ANK2: variants seen among roughly 807,000 people sequenced by gnomAD.
ANK2 encodes the protein ankyrin 2, also known as ankyrin-2.
In ANK2, 83 loss-of-function variants were observed where a neutral mutation model predicts 360.5. That is an observed-to-expected ratio of 0.23 (90% CI 0.19 to 0.28). The LOEUF (loss-of-function observed/expected upper bound fraction) is 0.28. Ranked by LOEUF, ANK2 falls within the 10% of genes least tolerant of loss-of-function variation. The pLI is 1.00. For synonymous variants in ANK2, 1,740 were observed against 1,759.5 expected, an observed-to-expected ratio of 0.99 and a Z score of 0.28; for missense variants, 4,201 against 4,795.7, an observed-to-expected ratio of 0.88 and a Z score of 3.66.
intron 4 of ANK2, among the ~76,000 whole-genome samples, chr4:113,228,439 A>C (rs1247861190): frequency 3.9e-5 from 6 of 152,142 alleles, no homozygotes; most frequent in African/African-American, 1.4e-4. Context: ...TACGATGTTT[A>C]GTTTTCCATT....
chr4:112,776,886 C>T, the ANK2 span, among the ~76,000 whole-genome samples: 4 of 152,160 alleles, frequency 2.6e-5, no homozygotes, highest in African/African-American at 7.2e-5. Context: ...GAATGGCTTT[C>T]GGTTGAGAGT....
At chr4:113,265,035 C>A (rs1316060938) in intron 14 of ANK2, 40 bp downstream of exon 14, 25 of 1,528,446 alleles carry the variant, frequency 1.6e-5, no homozygotes, top group Non-Finnish European at 2.2e-5. Flanking sequence ...TATCGCAGCG[C>A]ATGAGTTTCA....
intron 2 of ANK2, among the ~76,000 whole-genome samples, chr4:113,175,836 C>T (rs2098174901): frequency 6.6e-6 from 1 of 152,096 alleles, no homozygotes; most frequent in Admixed American, 6.6e-5. Flanking sequence ...TCACTGATGT[C>T]AATATTTCTC....
Position 113,336,594 on chromosome 4 carries a change from T to C in ANK2, c.3609T>C (p.Ser1203=), listed in dbSNP as rs1217598734. Reference sequence around the variant, plus strand: ...TTGAAAAGGCTCAACCTATGCACAGTGAGCTGGTTAAGAAGATCCTAGGCA... The same window carrying C: ...TTGAAAAGGCTCAACCTATGCACAGCGAGCTGGTTAAGAAGATCCTAGGCA... ...RVGLQAQPMH[S]ELVKKILGNK... is the part of the protein sequence containing the mutation. The change falls in exon 31 of 46, where the codon AGT becomes AGC. Residue 1203 remains serine (S), a synonymous_variant. Coordinates refer to ENST00000357077, the MANE Select transcript of ANK2 (RefSeq NM_001148.6). The C allele has an allele frequency of 1.2e-6, 2 of 1,613,466 alleles. No homozygotes were observed. Among genetic ancestry groups the C allele is most frequent in the Non-Finnish European group, 1.7e-6 (2 of 1,179,396 alleles).
chr4:113,355,884 C>T lies in ANK2; in HGVS notation c.7266C>T (p.Ser2422=), dbSNP rs150349588. 234 of 1,614,066 alleles carry T rather than the reference C, an allele frequency of 1.4e-4. No homozygotes were observed. The highest frequency in any genetic ancestry group is 2.1e-4 in the African/African-American group (16 of 75,038). ...CTAGCCGAGATAGCGAAGTCCTCAG[C>T]GCTGTGGCTGATGACTCATTAGCAG... ...ALPSRDSEVL[S]AVADDSLAVS... is the part of the protein sequence containing the mutation. The change falls in exon 38 of 46, where the codon AGC becomes AGT. Residue 2422 remains serine (S), a synonymous_variant. Coordinates refer to ENST00000357077, the MANE Select transcript of ANK2 (RefSeq NM_001148.6).
At chr4:112,876,088 A>G (rs898791966) in intron 1 of ANK2, among the ~76,000 whole-genome samples, 1 of 151,874 alleles carries the variant, frequency 6.6e-6, no homozygotes, top group Non-Finnish European at 1.5e-5. Flanking sequence ...AGAACATTCA[A>G]TGTCTTACCA....
intron 2 of ANK2, among the ~76,000 whole-genome samples, chr4:112,907,541 C>T (rs1465773737): frequency 6.6e-6 from 1 of 152,144 alleles, no homozygotes; most frequent in Non-Finnish European, 1.5e-5. Flanking sequence ...GAGACATCCT[C>T]ATTGAATCTG....
At chr4:112,802,083 G>C in the ANK2 span, among the ~76,000 whole-genome samples, 2 of 152,060 alleles carry the variant, frequency 1.3e-5, no homozygotes, top group African/African-American at 4.8e-5. Context: ...CCTGGTTTCC[G>C]GTTTGGCTAC....
In ANK2 at chr4:113,240,563, G is replaced by T; in HGVS notation, c.772G>T (p.Ala258Ser). Residue 258 changes from alanine (A) to serine (S), a missense_variant, in exon 8 of 46, where the codon GCT becomes TCT. Ala to Ser is a moderately conservative substitution (Grantham distance 99). Coordinates refer to ENST00000357077, the MANE Select transcript of ANK2 (RefSeq NM_001148.6). ...AACTCTTCTTCTAAACCGGGGAGCTGCTGTGGACTTCACAGCCAGGGTATG... is the reference window on the plus strand; with the variant it reads ...AACTCTTCTTCTAAACCGGGGAGCTTCTGTGGACTTCACAGCCAGGGTATG... ...VATLLLNRGA[A>S]VDFTARNGIT... The T allele has an allele frequency of 6.2e-7, 1 of 1,613,638 alleles. No individual in the cohort carries two copies. Among genetic ancestry groups the T allele is most frequent in the South Asian group, 1.1e-5 (1 of 91,070 alleles).
At chr4:112,726,899 A>G in the ANK2 span, among the ~76,000 whole-genome samples, 3 of 151,974 alleles carry the variant, frequency 2.0e-5, no homozygotes, top group East Asian at 5.8e-4. Flanking sequence ...AGTAAGTTTA[A>G]AAGGTATGGA....
rs58840976 is a variant in ANK2 at position 113,019,555 on chromosome 4, A to G, written c.21+115041A>G. Among the ~76,000 whole-genome samples the G allele has an allele frequency of 5.7e-3, 876 of 152,348 alleles. 10 individuals carry two copies. Among genetic ancestry groups the G allele is most frequent in the African/African-American group, 0.02 (822 of 41,592 alleles). Reference sequence around the variant, plus strand: ...ATTAGTTTTTAGATATTTTTGAAAGAATGGATTCAATCTTTTAAAAATTAA... The same window carrying G: ...ATTAGTTTTTAGATATTTTTGAAAGGATGGATTCAATCTTTTAAAAATTAA... On this transcript the variant is annotated intron_variant, in intron 2 of 30. Transcript: ENST00000503271.
At chr4:113,242,049 A>G in intron 8 of ANK2, 62 bp from the exon 9 acceptor site, 1 of 1,343,052 alleles carries the variant, frequency 7.4e-7, no homozygotes, top group Non-Finnish European at 1.1e-6. Context: ...CTTTAACACA[A>G]AGGCATCGCC....
At chr4:113,108,043 G>C (rs1279141732) in intron 1 of ANK2, among the ~76,000 whole-genome samples, 1 of 152,162 alleles carries the variant, frequency 6.6e-6, no homozygotes, top group Non-Finnish European at 1.5e-5. Context: ...ACGTAAGTTG[G>C]ACATTCGTTT....
intron 26 of ANK2, among the ~76,000 whole-genome samples, chr4:113,325,889 A>G (rs1233399039): frequency 6.6e-6 from 1 of 152,194 alleles, no homozygotes; most frequent in Non-Finnish European, 1.5e-5. Flanking sequence ...TAAAGATCAT[A>G]GATGACAGGC....
chr4:113,091,947 CT>C (rs1306801816), intron 1 of ANK2, among the ~76,000 whole-genome samples: 1 of 152,002 alleles, frequency 6.6e-6, no homozygotes, highest in East Asian at 1.9e-4. Context: ...GTTTTTTGGG[CT>C]TTGGGGACAT....
intron 4 of ANK2, among the ~76,000 whole-genome samples, chr4:113,212,433 C>T (rs2099034055): frequency 6.6e-6 from 1 of 152,112 alleles, no homozygotes; most frequent in Non-Finnish European, 1.5e-5. Context: ...TAATTGGAAT[C>T]CTCTGGTTAT....
chr4:113,024,358 T>C (rs751886047), intron 2 of ANK2, among the ~76,000 whole-genome samples: 10 of 152,194 alleles, frequency 6.6e-5, no homozygotes, highest in Admixed American at 3.3e-4. Context: ...GGATATTAGA[T>C]TTATTTTTCC....
At chr4:112,762,771 A>G in the ANK2 span, among the ~76,000 whole-genome samples, 2 of 152,336 alleles carry the variant, frequency 1.3e-5, no homozygotes, top group African/African-American at 2.4e-5. Flanking sequence ...TGGCCTCCCA[A>G]AGTGCTGGGA....
intron 2 of ANK2, among the ~76,000 whole-genome samples, chr4:112,982,302 C>T (rs2043346557): frequency 6.6e-6 from 1 of 151,946 alleles, no homozygotes; most frequent in Admixed American, 6.6e-5. Context: ...TGAGACATGC[C>T]TATCATCTTT....
Sources: allele counts gnomAD v4.1 joint callset (sites outside exome capture counted in the v4.1 genomes callset), GRCh38; gene constraint gnomAD v4.1.1; transcripts MANE v1.5; gene names NCBI Gene and HGNC (gene_info 2026-07-23, HGNC 2026-07-21).